FOXO3: variants seen among roughly 807,000 people sequenced by gnomAD.
The protein encoded by FOXO3 is forkhead box protein O3.
FOXO3 carries 4 observed loss-of-function variants against 41.9 expected under a neutral mutation model. That is an observed-to-expected ratio of 0.10 (90% CI 0.05 to 0.22). The LOEUF is 0.22. FOXO3 is among the 10% of genes least tolerant of loss of function. The probability of loss-of-function intolerance (pLI) is 1.00; values close to 1 mark genes in which losing one functional copy is unlikely to be tolerated. For missense variants in FOXO3, 534 were observed against 906.8 expected, an observed-to-expected ratio of 0.59 and a Z score of 5.28; for synonymous variants, 318 against 389.3, an observed-to-expected ratio of 0.82 and a Z score of 2.16.
chr6:108,665,158 G>A (rs904786019), intron 2 of FOXO3, among the ~76,000 whole-genome samples: 4 of 152,162 alleles, frequency 2.6e-5, no homozygotes, highest in Admixed American at 1.3e-4. Context: ...TTCAGAGATC[G>A]CATTCTTTTT....
intron 1 of FOXO3, among the ~76,000 whole-genome samples, chr6:108,613,664 T>C (rs567948725): frequency 1.3e-5 from 2 of 152,278 alleles, no homozygotes; most frequent in East Asian, 3.9e-4. Flanking sequence ...TTCATTGATC[T>C]TTTAAACGAA....
chr6:108,561,353 G>C lies in FOXO3; in HGVS notation c.145G>C (p.Gly49Arg), dbSNP rs1444442708. The change falls in exon 1 of 3, where the codon GGG (glycine) becomes CGG (arginine). Residue 49 changes from glycine (G) to arginine (R), a missense_variant. Transcript: ENST00000406360. ...CCAAGCGAGCCCTGCCAAGCCCTCGGGGGAGACGGCCGCCGACTCCATGAT... is the reference window on the plus strand; with the variant it reads ...CCAAGCGAGCCCTGCCAAGCCCTCGCGGGAGACGGCCGCCGACTCCATGAT... Reference protein sequence around the residue: ...ELQASPAKPSGETAADSMIPE... With the variant: ...ELQASPAKPSRETAADSMIPE... 6.4e-7 allele frequency: 1 copy of C among 1,568,986 alleles called. No homozygotes were observed. Among genetic ancestry groups the C allele is most frequent in the Non-Finnish European group, 8.6e-7 (1 of 1,159,562 alleles).
At chr6:108,645,791 A>G (rs1169136902) in intron 1 of FOXO3, among the ~76,000 whole-genome samples, 1 of 152,218 alleles carries the variant, frequency 6.6e-6, no homozygotes, top group East Asian at 1.9e-4. Context: ...TAACATGAAC[A>G]GAAACCTCTA....
intron 1 of FOXO3, among the ~76,000 whole-genome samples, chr6:108,590,280 C>T (rs889713500): frequency 6.6e-6 from 1 of 152,098 alleles, no homozygotes; most frequent in Non-Finnish European, 1.5e-5. Context: ...TGAGCCACCA[C>T]ACCCAGCACC....
chr6:108,600,005 A>G (rs1259090526), intron 1 of FOXO3, among the ~76,000 whole-genome samples: 1 of 152,208 alleles, frequency 6.6e-6, no homozygotes, highest in Non-Finnish European at 1.5e-5. Flanking sequence ...GCAGGTTTTA[A>G]TGGACTAAGA....
At position 108,561,778 on chromosome 6, in the gene FOXO3, C is replaced by T. The variant is rs756083158; in HGVS notation, c.570C>T (p.Cys190=). The T allele has an allele frequency of 1.5e-5, 24 of 1,600,404 alleles. 1 individual carries two copies. The South Asian group carries it at 2.1e-4, about 14-fold the overall frequency. The change falls in exon 1 of 3, where the codon TGC becomes TGT. Residue 190 remains cysteine (C), a synonymous_variant. Transcript: ENST00000406360. Reference sequence around the variant, plus strand: ...AGATCTACGAGTGGATGGTGCGTTGCGTGCCCTACTTCAAGGATAAGGGCG... The same window carrying T: ...AGATCTACGAGTGGATGGTGCGTTGTGTGCCCTACTTCAAGGATAAGGGCG... ...LSQIYEWMVR[C]VPYFKDKGDS...
At chr6:108,572,895 C>G (rs1776145727) in intron 1 of FOXO3, among the ~76,000 whole-genome samples, 1 of 152,122 alleles carries the variant, frequency 6.6e-6, no homozygotes, top group African/African-American at 2.4e-5. Flanking sequence ...TGCTTGGGAT[C>G]CAAACCCAGG....
intron 1 of FOXO3, among the ~76,000 whole-genome samples, chr6:108,567,038 A>G (rs1467330710): frequency 6.6e-6 from 1 of 152,250 alleles, no homozygotes; most frequent in African/African-American, 2.4e-5. Context: ...ATAAAGTTCC[A>G]GTTCACTCAC....
At chr6:108,628,351 C>G (rs1007378119) in intron 1 of FOXO3, among the ~76,000 whole-genome samples, 1 of 152,232 alleles carries the variant, frequency 6.6e-6, no homozygotes, top group African/African-American at 2.4e-5. Flanking sequence ...ATGTACTCTT[C>G]TCTCCTCCCC....
In FOXO3 at chr6:108,576,331, G is replaced by C. The variant is rs138874751; in HGVS notation, c.621+14502G>C. Among the ~76,000 whole-genome samples, 256 of 152,270 alleles carry C rather than the reference G, an allele frequency of 1.7e-3. 2 individuals carry two copies. Among genetic ancestry groups the C allele is most frequent in the African/African-American group, 5.9e-3 (244 of 41,532 alleles). ...ACTTACCCTTCATGTCATTTGTTAAGGTCAAGTTCAGCATTTGACTGTGGA... is the reference window on the plus strand; with the variant it reads ...ACTTACCCTTCATGTCATTTGTTAACGTCAAGTTCAGCATTTGACTGTGGA... On this transcript the variant is annotated intron_variant, in intron 1 of 2. Transcript: ENST00000406360.
intron 1 of FOXO3, 81 bp from the exon 2 acceptor site, chr6:108,663,374 G>C (rs1043995199): frequency 4.6e-6 from 7 of 1,509,922 alleles, no homozygotes; most frequent in African/African-American, 2.8e-5. Context: ...AATGAATGAG[G>C]AGTCTGATTT....
chr6:108,653,524 C>T (rs1333089012), intron 1 of FOXO3, among the ~76,000 whole-genome samples: 2 of 152,156 alleles, frequency 1.3e-5, no homozygotes, highest in East Asian at 3.9e-4. Context: ...AGGTGTGGCA[C>T]TGTGCCTCTT....
intron 1 of FOXO3, among the ~76,000 whole-genome samples, chr6:108,645,027 A>G (rs1334540036): frequency 6.6e-6 from 1 of 152,184 alleles, no homozygotes; most frequent in Non-Finnish European, 1.5e-5. Flanking sequence ...ACCAATTTGA[A>G]TGACTGAACC....
At chr6:108,571,551 A>G (rs1189127465) in intron 1 of FOXO3, among the ~76,000 whole-genome samples, 1 of 152,216 alleles carries the variant, frequency 6.6e-6, no homozygotes, top group African/African-American at 2.4e-5. Flanking sequence ...GAAGAGGAGA[A>G]AATACATAGA....
At chr6:108,666,544 T>A (rs990111743) in intron 2 of FOXO3, among the ~76,000 whole-genome samples, 1 of 151,482 alleles carries the variant, frequency 6.6e-6, no homozygotes, top group Non-Finnish European at 1.5e-5. Flanking sequence ...GGGGTTTCAC[T>A]GTGTTCACCA....
intron 1 of FOXO3, among the ~76,000 whole-genome samples, chr6:108,563,094 G>T (rs981461330): frequency 6.6e-6 from 1 of 152,112 alleles, no homozygotes; most frequent in Non-Finnish European, 1.5e-5. Flanking sequence ...GTTTCAGGAG[G>T]TATAAAAATA....
At chr6:108,622,779 G>A (rs184527729) in intron 1 of FOXO3, among the ~76,000 whole-genome samples, 2 of 152,202 alleles carry the variant, frequency 1.3e-5, no homozygotes, top group East Asian at 3.9e-4. Flanking sequence ...TCTGAGCAAG[G>A]GTGGCAGCAG....
At chr6:108,597,039 T>C (rs1356113038) in intron 1 of FOXO3, among the ~76,000 whole-genome samples, 3 of 151,934 alleles carry the variant, frequency 2.0e-5, no homozygotes, top group Non-Finnish European at 4.4e-5. Flanking sequence ...GCAGAGAAAA[T>C]CCCAAAGGAC....
At chr6:108,631,614 C>T (rs1171520332) in intron 1 of FOXO3, among the ~76,000 whole-genome samples, 1 of 151,954 alleles carries the variant, frequency 6.6e-6, no homozygotes, top group Admixed American at 6.6e-5. Flanking sequence ...ACATTTTTCC[C>T]CCCTTTCCTC....
Sources: gnomAD v4.1 joint callset for allele counts (sites outside exome capture counted in the v4.1 genomes callset) on GRCh38, gnomAD v4.1.1 for gene constraint, MANE v1.5 for transcripts, NCBI Gene and HGNC (gene_info 2026-07-23, HGNC 2026-07-21) for gene names.